The following CDH18 variants were observed in gnomAD, a reference collection of about 807,000 sequenced individuals.
The protein encoded by CDH18 is cadherin 18, also known as cadherin-18.
Under a neutral mutation model 67.9 loss-of-function variants are expected in CDH18, and 31 were observed. That is an observed-to-expected ratio of 0.46 (90% CI 0.34 to 0.62). The LOEUF is 0.62. Ranked by LOEUF, CDH18 falls within the 20% of genes least tolerant of loss-of-function variation. The pLI, the probability that CDH18 is intolerant of heterozygous loss-of-function variation, is 0.01. For synonymous variants in CDH18, 362 were observed against 347.2 expected (o/e 1.04, Z -0.48); for missense variants, 890 against 975.5 (o/e 0.91, Z 1.17).
At chr5:20,193,065 C>T (rs1046632537) in intron 2 of CDH18, among the ~76,000 whole-genome samples, 8 of 152,060 alleles carry the variant, frequency 5.3e-5, no homozygotes, top group African/African-American at 1.9e-4. Flanking sequence ...AGGTCATTCA[C>T]ATCTGTTGTC....
chr5:20,255,296 A>C (rs111980710), intron 2 of CDH18: 51 of 152,314 alleles, frequency 3.3e-4, no homozygotes, highest in African/African-American at 1.2e-3. Context: ...AAATTTCTAA[A>C]TAATTCAGTG....
intron 2 of CDH18, among the ~76,000 whole-genome samples, chr5:20,248,966 G>T (rs1483670709): frequency 6.6e-6 from 1 of 152,078 alleles, no homozygotes; most frequent in Non-Finnish European, 1.5e-5. Context: ...GCAGTGTGAG[G>T]TTATACAATA....
rs77766884 is a variant in CDH18 at position 20,024,858 on chromosome 5, G to A, written c.-517-32844C>T. ...CTTAGAAGCAATTATTCCAGGGTCA[G>A]ATCCAAAGTCAGGCAGTGGATTTGA... On this transcript the variant is annotated intron_variant, in intron 2 of 14. Coordinates refer to the CDH18 transcript ENST00000507958. 0.018 allele frequency among the ~76,000 whole-genome samples: 2,675 copies of A among 152,254 alleles called. 173 individuals are homozygous for A. In the East Asian group the frequency reaches 0.25, roughly 14 times the overall value.
intron 2 of CDH18, among the ~76,000 whole-genome samples, chr5:20,080,417 T>G (rs1744349303): frequency 6.6e-6 from 1 of 152,182 alleles, no homozygotes; most frequent in African/African-American, 2.4e-5. Context: ...CCTTGGATGA[T>G]ATACAAGTAT....
At chr5:20,382,725 T>C (rs1181269150) in intron 1 of CDH18, among the ~76,000 whole-genome samples, 4 of 152,074 alleles carry the variant, frequency 2.6e-5, no homozygotes, top group East Asian at 3.9e-4. Flanking sequence ...GAGGAAGCAA[T>C]ATAAACAGCC....
At chr5:20,182,826 G>GA (rs148502176) in intron 2 of CDH18, among the ~76,000 whole-genome samples, 34 of 148,430 alleles carry the variant, frequency 2.3e-4, no homozygotes, top group East Asian at 6.0e-4. Context: ...AATTGCGAGG[G>GA]AAAAAAAAAA....
chr5:19,671,650 C>A (rs1372968556), intron 5 of CDH18, among the ~76,000 whole-genome samples: 1 of 151,988 alleles, frequency 6.6e-6, no homozygotes, highest in East Asian at 1.9e-4. Context: ...CAATTTAATT[C>A]TAAGTAACTC....
rs114249294 is a variant in CDH18, at chr5:20,284,425, A to C, written c.-579-28920T>G. Among the ~76,000 whole-genome samples the C allele has an allele frequency of 5.7e-3, 873 of 152,094 alleles. 10 individuals are homozygous for C. Among genetic ancestry groups the C allele is most frequent in the African/African-American group, 0.02 (837 of 41,530 alleles). On this transcript the variant is annotated intron_variant, in intron 1 of 14. Transcript: ENST00000507958. ...TGTTTTAAAAGTCATTAAAATTTTAATTTGGGCTTATACAGTTTTTCTAAC... is the reference window on the plus strand; with the variant it reads ...TGTTTTAAAAGTCATTAAAATTTTACTTTGGGCTTATACAGTTTTTCTAAC...
intron 12 of CDH18, among the ~76,000 whole-genome samples, chr5:19,482,168 T>G (rs1739541845): frequency 6.6e-6 from 1 of 152,000 alleles, no homozygotes; most frequent in Admixed American, 6.6e-5. Flanking sequence ...CAGGCTGGAG[T>G]GCAGTGGCGC....
chr5:19,931,025 C>T (rs1033515833), intron 2 of CDH18, among the ~76,000 whole-genome samples: 2 of 151,908 alleles, frequency 1.3e-5, no homozygotes, highest in African/African-American at 2.4e-5. Context: ...GGTTGGTTCA[C>T]GATGTACTCA....
intron 1 of CDH18, among the ~76,000 whole-genome samples, chr5:20,567,402 T>G (rs1758577163): frequency 1.3e-5 from 2 of 148,162 alleles, no homozygotes; most frequent in South Asian, 4.4e-4. Flanking sequence ...AGCTACTTAT[T>G]GAGAATATGA....
At chr5:20,043,651 C>T (rs1242878157) in intron 2 of CDH18, among the ~76,000 whole-genome samples, 1 of 152,076 alleles carries the variant, frequency 6.6e-6, no homozygotes, top group Non-Finnish European at 1.5e-5. Context: ...AGTCATGTTG[C>T]CAGGCCAGTT....
chr5:20,417,271 T>G (rs1747394415), intron 1 of CDH18, among the ~76,000 whole-genome samples: 1 of 152,172 alleles, frequency 6.6e-6, no homozygotes, highest in African/African-American at 2.4e-5. Context: ...ACAGGACTGC[T>G]ATAGACACAA....
At chr5:20,135,278 T>C (rs1374900155) in intron 2 of CDH18, among the ~76,000 whole-genome samples, 1 of 152,088 alleles carries the variant, frequency 6.6e-6, no homozygotes, top group Non-Finnish European at 1.5e-5. Context: ...GGCTGTTATT[T>C]GTCTATTCAG....
chr5:20,229,041 T>C (rs1247273197), intron 2 of CDH18, among the ~76,000 whole-genome samples: 1 of 152,098 alleles, frequency 6.6e-6, no homozygotes, highest in African/African-American at 2.4e-5. Context: ...AGTTGGTGAA[T>C]GTTTTTTGTA....
chr5:20,103,771 T>C (rs1746683237), intron 2 of CDH18, among the ~76,000 whole-genome samples: 1 of 146,812 alleles, frequency 6.8e-6, no homozygotes, highest in Non-Finnish European at 1.5e-5. Context: ...TATAATTTAA[T>C]ATAGAATTTA....
chr5:20,529,488 C>T (rs1475664849), intron 1 of CDH18, among the ~76,000 whole-genome samples: 1 of 152,036 alleles, frequency 6.6e-6, no homozygotes, highest in Non-Finnish European at 1.5e-5. Flanking sequence ...CAAGAATCCC[C>T]AATAAAATAC....
At chr5:19,964,261 T>C (rs1797206830) in intron 2 of CDH18, among the ~76,000 whole-genome samples, 1 of 151,660 alleles carries the variant, frequency 6.6e-6, no homozygotes, top group Non-Finnish European at 1.5e-5. Context: ...ACTGCGCAAA[T>C]TTGGTTTGTC....
intron 2 of CDH18, among the ~76,000 whole-genome samples, chr5:20,191,812 T>C (rs1293935311): frequency 2.6e-5 from 4 of 152,318 alleles, no homozygotes; most frequent in South Asian, 2.1e-4. Flanking sequence ...AGTGGCACTA[T>C]AAACATATGT....
Sources: gnomAD v4.1 joint callset for allele counts (sites outside exome capture counted in the v4.1 genomes callset) on GRCh38, gnomAD v4.1.1 for gene constraint, MANE v1.5 for transcripts, NCBI Gene and HGNC (gene_info 2026-07-23, HGNC 2026-07-21) for gene names.